The following DPP10 variants were observed in gnomAD, a reference collection of about 807,000 sequenced individuals.
DPP10 encodes dipeptidyl peptidase like 10, also known as inactive dipeptidyl peptidase 10.
Under a neutral mutation model 120.9 loss-of-function variants are expected in DPP10, and 33 were observed. That is an observed-to-expected ratio of 0.27 (90% CI 0.21 to 0.37). DPP10 has a LOEUF of 0.37. DPP10 is among the 10% of genes least tolerant of loss of function. The pLI is 1.00. For missense variants in DPP10, 816 were observed against 942.8 expected, an observed-to-expected ratio of 0.87 and a Z score of 1.76; for synonymous variants, 337 against 326.1, an observed-to-expected ratio of 1.03 and a Z score of -0.36.
Position 114,870,856 on chromosome 2 carries a change from C to T in DPP10, c.60+428018C>T, listed in dbSNP as rs1690636943. Among the ~76,000 whole-genome samples, 4 of 135,826 alleles carry T rather than the reference C, an allele frequency of 2.9e-5. 1 individual carries two copies. The highest frequency in any genetic ancestry group is 5.1e-5 in the African/African-American group (2 of 39,034). The allele number at this position is 135,826 out of a possible 152,430, so 89.1% of individuals were successfully genotyped here. ...ACGTCCATCGGGATCTTTTCATGAA[C>T]AGATAGCTTAGCAAGCTTAGCTGGG... On this transcript the variant is annotated intron_variant, in intron 1 of 25. Coordinates refer to ENST00000410059, the MANE Select transcript of DPP10 (RefSeq NM_020868.6).
At chr2:115,109,422 G>C (rs558248838) in intron 1 of DPP10, among the ~76,000 whole-genome samples, 2 of 152,206 alleles carry the variant, frequency 1.3e-5, no homozygotes, top group Non-Finnish European at 2.9e-5. Context: ...TGTAGTCCCA[G>C]CTACTCTGGA....
chr2:115,085,500 A>T (rs11123276), intron 1 of DPP10, among the ~76,000 whole-genome samples: 120,821 of 152,180 alleles, frequency 0.79, 48,703 homozygotes, highest in Non-Finnish European at 0.88. Context: ...TGAATAAATG[A>T]GTTTATAGAT....
chr2:115,403,207 C>G (rs1320657584), intron 3 of DPP10, among the ~76,000 whole-genome samples: 1 of 151,574 alleles, frequency 6.6e-6, no homozygotes, highest in Non-Finnish European at 1.5e-5. Context: ...GCACCCTTTT[C>G]TTATAAAAAT....
chr2:114,862,987 G>T (rs1173418918), intron 1 of DPP10, among the ~76,000 whole-genome samples: 16 of 150,524 alleles, frequency 1.1e-4, no homozygotes, highest in African/African-American at 3.9e-4. Context: ...TAAACACTTT[G>T]TGTATGCCAT....
At chr2:114,881,260 G>A (rs1249400838) in intron 1 of DPP10, among the ~76,000 whole-genome samples, 1 of 152,056 alleles carries the variant, frequency 6.6e-6, no homozygotes, top group East Asian at 1.9e-4. Context: ...GGGGCAATGG[G>A]AGCTATTGGG....
intron 5 of DPP10, among the ~76,000 whole-genome samples, chr2:115,675,348 T>C (rs2090173181): frequency 6.6e-6 from 1 of 152,052 alleles, no homozygotes; most frequent in African/African-American, 2.4e-5. Context: ...AAATGGATGC[T>C]TTAAAAAAAA....
At chr2:114,953,117 T>C in intron 1 of DPP10, among the ~76,000 whole-genome samples, 1 of 151,986 alleles carries the variant, frequency 6.6e-6, no homozygotes, top group Non-Finnish European at 1.5e-5. Flanking sequence ...AAATAATATA[T>C]GCTTTAAAAT....
intron 1 of DPP10, among the ~76,000 whole-genome samples, chr2:114,973,840 C>T (rs1048384694): frequency 2.0e-5 from 3 of 151,854 alleles, no homozygotes; most frequent in African/African-American, 7.3e-5. Context: ...ATGATCCTGA[C>T]CCTACGGAGG....
chr2:115,712,566 A>ATATATATATATATATATATAT lies in DPP10; in HGVS notation c.577-15250_577-15249insTATATATATATATATATATAT, dbSNP rs70941090. On this transcript the variant is annotated intron_variant, in intron 7 of 25. Coordinates refer to ENST00000410059, the MANE Select transcript of DPP10 (RefSeq NM_020868.6). ...TAAATATATATATATATATATATAT[A>ATATATATATATATATATATAT]AAGAAACTGTCTTAATTTTATTTAA... 2.2e-3 allele frequency among the ~76,000 whole-genome samples: 265 copies of ATATATATATATATATATATAT among 121,488 alleles called. 2 individuals are homozygous for ATATATATATATATATATATAT. The highest frequency in any genetic ancestry group is 3.1e-3 in the Non-Finnish European group (175 of 56,874). 79.7% of individuals were successfully genotyped at this position (121,488 alleles called of 152,430 possible).
intron 2 of DPP10, among the ~76,000 whole-genome samples, chr2:115,315,018 C>T (rs1176617650): frequency 6.6e-6 from 1 of 151,988 alleles, no homozygotes; most frequent in Non-Finnish European, 1.5e-5. Flanking sequence ...ACAGCTAGGG[C>T]CAATAGATTT....
chr2:114,460,702 G>A (rs6709636), intron 1 of DPP10, among the ~76,000 whole-genome samples: 10,444 of 152,024 alleles, frequency 0.069, 927 homozygotes, highest in African/African-American at 0.21. Context: ...CTTAGTTTGC[G>A]TTACTTTCTG....
At chr2:115,716,973 G>T (rs540958503) in intron 7 of DPP10, among the ~76,000 whole-genome samples, 2 of 152,272 alleles carry the variant, frequency 1.3e-5, no homozygotes, top group Non-Finnish European at 2.9e-5. Context: ...TCTGTTATAA[G>T]AATTTTGGAA....
At chr2:115,417,687 G>C (rs541170259) in intron 3 of DPP10, among the ~76,000 whole-genome samples, 1 of 152,254 alleles carries the variant, frequency 6.6e-6, no homozygotes, top group Admixed American at 6.5e-5. Context: ...TAGATAGCCT[G>C]GTTCCAGGTG....
intron 1 of DPP10, among the ~76,000 whole-genome samples, chr2:115,010,459 G>T (rs1280728805): frequency 2.0e-5 from 3 of 152,052 alleles, no homozygotes; most frequent in African/African-American, 7.2e-5. Context: ...CAATGCCCAG[G>T]TGTCAGTCAC....
At chr2:115,768,969 A>T (rs1681131161) in intron 13 of DPP10, among the ~76,000 whole-genome samples, 1 of 151,862 alleles carries the variant, frequency 6.6e-6, no homozygotes, top group Admixed American at 6.6e-5. Context: ...CTTTCCGATA[A>T]AAAGAGGGGA....
intron 13 of DPP10, among the ~76,000 whole-genome samples, chr2:115,769,601 T>C (rs919757112): frequency 6.6e-6 from 1 of 151,976 alleles, no homozygotes; most frequent in African/African-American, 2.4e-5. Flanking sequence ...GAAAAACAGG[T>C]TATAAACTAA....
chr2:115,126,971 A>G (rs1409744350), intron 1 of DPP10, among the ~76,000 whole-genome samples: 1 of 152,244 alleles, frequency 6.6e-6, no homozygotes, highest in East Asian at 1.9e-4. Flanking sequence ...TAGACTTTCC[A>G]AACAACTTTG....
At chr2:115,166,948 A>C (rs1167724578) in intron 1 of DPP10, among the ~76,000 whole-genome samples, 1 of 152,192 alleles carries the variant, frequency 6.6e-6, no homozygotes, top group East Asian at 1.9e-4. Context: ...ACAATGCCAG[A>C]ATGCTGTGAC....
rs938399899 is a variant in DPP10, at chr2:115,187,182, G to A, written c.61-122057G>A. The stretch of plus-strand genomic sequence containing the variant: ...CTCCTGAGTAGCTGCGACTACAGGC[G>A]CCCGCCACCACGCCCGGCTAATTTT... On this transcript the variant is annotated intron_variant, in intron 1 of 25. Coordinates refer to ENST00000410059, the MANE Select transcript of DPP10 (RefSeq NM_020868.6). Among the ~76,000 whole-genome samples, 20 of 149,916 alleles carry A rather than the reference G, an allele frequency of 1.3e-4. No individual in the cohort carries two copies. The South Asian group carries it at 3.4e-3, about 26-fold the overall frequency.
Sources: gnomAD v4.1 joint callset for allele counts (sites outside exome capture counted in the v4.1 genomes callset) on GRCh38, gnomAD v4.1.1 for gene constraint, MANE v1.5 for transcripts, NCBI Gene and HGNC (gene_info 2026-07-23, HGNC 2026-07-21) for gene names.